Variants in CKS2 observed in about 807,000 individuals in gnomAD.
The protein encoded by CKS2 is cyclin-dependent kinases regulatory subunit 2.
CKS2 carries 4 observed loss-of-function variants against 14.3 expected under a neutral mutation model. The ratio of observed to expected loss-of-function variants is 0.28; its 90% confidence interval spans 0.14 to 0.64. The LOEUF (loss-of-function observed/expected upper bound fraction) is 0.64. Ranked by LOEUF, CKS2 falls within the 30% of genes least tolerant of loss-of-function variation. The pLI, the probability that CKS2 is intolerant of heterozygous loss-of-function variation, is 0.83. For synonymous variants in CKS2, 33 were observed against 28.7 expected (o/e 1.15, Z -0.48); for missense variants, 71 against 94.3 (o/e 0.75, Z 1.02).
intron 2 of CKS2, 150 bp from the exon 3 acceptor site, chr9:89,316,223 A>T (rs1163365465): frequency 4.9e-6 from 3 of 609,378 alleles, no homozygotes; most frequent in Non-Finnish European, 8.9e-6. Context: ...TGTAGACAGT[A>T]ACTGTGAAAA....
rs534106852 is a variant in CKS2, at chr9:89,315,731, A to G, written c.187+434A>G. On this transcript the variant is annotated intron_variant, in intron 2 of 2. Transcript: ENST00000314355. ...AATGAGGTAATAGCATATGAACTCAACTGTGCTTATGGGTACCTTATGCTA... is the reference window on the plus strand; with the variant it reads ...AATGAGGTAATAGCATATGAACTCAGCTGTGCTTATGGGTACCTTATGCTA... Among the ~76,000 whole-genome samples, 5 of 152,294 alleles carry G rather than the reference A, an allele frequency of 3.3e-5. No individual in the cohort carries two copies. In the South Asian group the frequency reaches 1.0e-3, roughly 32 times the overall value.
intron 2 of CKS2, among the ~76,000 whole-genome samples, chr9:89,316,070 G>A (rs146910125): frequency 6.6e-6 from 1 of 152,244 alleles, no homozygotes; most frequent in East Asian, 1.9e-4. Flanking sequence ...AAAAGCAACT[G>A]AAGAACTTAA....
At chr9:89,313,322 AG>A (rs376200984) in intron 1 of CKS2, among the ~76,000 whole-genome samples, 3 of 152,300 alleles carry the variant, frequency 2.0e-5, no homozygotes, top group Non-Finnish European at 2.9e-5. Flanking sequence ...CTTTTACGTG[AG>A]GGTCTTAATG....
chr9:89,315,849 A>AT (rs1289988822), intron 2 of CKS2, among the ~76,000 whole-genome samples: 1 of 152,196 alleles, frequency 6.6e-6, no homozygotes, highest in Admixed American at 6.5e-5. Context: ...TGTGGGTTAA[A>AT]TTTTATATTT....
In CKS2 at chr9:89,315,281, C is replaced by T. The variant is rs1423565101; in HGVS notation, c.171C>T (p.Tyr57=). 6.2e-7 allele frequency: 1 copy of T among 1,600,526 alleles called. No individual in the cohort carries two copies. Among genetic ancestry groups the T allele is most frequent in the Middle Eastern group, 1.7e-4 (1 of 6,012 alleles). The change falls in exon 2 of 3, where the codon TAC becomes TAT. Residue 57 remains tyrosine, a synonymous_variant. Coordinates refer to ENST00000314355, the MANE Select transcript of CKS2 (RefSeq NM_001827.3). The part of the protein sequence containing the change: ...GVQQSLGWVH[Y]MIHEPEPHIL... ...AACAGAGTCTAGGCTGGGTTCATTA[C>T]ATGATTCATGAGCCAGGTAAGCTAT...
At chr9:89,315,404 C>G (rs1824689935) in intron 2 of CKS2, 107 bp downstream of exon 2, 1 of 1,027,206 alleles carries the variant, frequency 9.7e-7, no homozygotes, top group Non-Finnish European at 1.3e-6. Context: ...CTGAAAGTAA[C>G]TGTTCTGATA....
chr9:89,313,712 A>G (rs928829245), intron 1 of CKS2, among the ~76,000 whole-genome samples: 2 of 152,274 alleles, frequency 1.3e-5, no homozygotes, highest in Admixed American at 1.3e-4. Flanking sequence ...CAAAAGCACT[A>G]CATTTCTCTT....
intron 2 of CKS2, among the ~76,000 whole-genome samples, chr9:89,316,150 G>A (rs1035472830): frequency 6.6e-6 from 1 of 152,068 alleles, no homozygotes; most frequent in African/African-American, 2.4e-5. Flanking sequence ...AGATCCTGTA[G>A]GTGATTTGAA....
In CKS2 at chr9:89,315,219, C is replaced by G; in HGVS notation, c.109C>G (p.Leu37Val). 2.5e-6 allele frequency: 4 copies of G among 1,611,938 alleles called. No homozygotes were observed. The highest frequency in any genetic ancestry group is 3.4e-6 in the Non-Finnish European group (4 of 1,178,928). The change falls in exon 2 of 3, where the codon CTG becomes GTG. Residue 37 changes from leucine to valine, a missense_variant. Coordinates refer to ENST00000314355, the MANE Select transcript of CKS2 (RefSeq NM_001827.3). ...TTCCAAACAAGTACCTAAAACTCATCTGATGTCTGAAGAGGAGTGGAGGAG... is the reference window on the plus strand; with the variant it reads ...TTCCAAACAAGTACCTAAAACTCATGTGATGTCTGAAGAGGAGTGGAGGAG... ...ELSKQVPKTH[L>V]MSEEEWRRLG...
At chr9:89,311,878 T>C (rs1221965944) in intron 1 of CKS2, among the ~76,000 whole-genome samples, 1 of 152,198 alleles carries the variant, frequency 6.6e-6, no homozygotes, top group Non-Finnish European at 1.5e-5. Flanking sequence ...GGTCAAATGG[T>C]CATTTTCATC....
intron 1 of CKS2, among the ~76,000 whole-genome samples, chr9:89,311,751 C>T (rs528320262): frequency 2.0e-5 from 3 of 152,226 alleles, no homozygotes; most frequent in African/African-American, 7.2e-5. Flanking sequence ...AGTTCCAGTT[C>T]TTTGAACCAG....
chr9:89,315,121 C>CA, intron 1 of CKS2, 49 bp from the exon 2 acceptor site: 1 of 1,536,294 alleles, frequency 6.5e-7, no homozygotes, highest in Non-Finnish European at 8.8e-7. Flanking sequence ...TATAAAGCGA[C>CA]AGTTGTAGAA....
At chr9:89,314,098 CAG>C (rs1476283567) in intron 1 of CKS2, among the ~76,000 whole-genome samples, 1 of 152,224 alleles carries the variant, frequency 6.6e-6, no homozygotes, top group African/African-American at 2.4e-5. Flanking sequence ...GACTCACAGA[CAG>C]ATATCTTATA....
Position 89,311,233 on chromosome 9 carries a change from T to G in CKS2, c.-60T>G. ...GAGTTGTTGCCTGGGCTGGACGTGG[T>G]TTTGTCTGCTGCGCCCGCTCTTCGC... On this transcript the variant is annotated 5_prime_UTR_variant, in exon 1 of 3. Transcript: ENST00000314355. 4.8e-6 allele frequency: 7 copies of G among 1,455,372 alleles called. No homozygotes were observed. The highest frequency in any genetic ancestry group is 4.7e-5 in the South Asian group (4 of 85,720). The allele number at this position is 1,455,372 out of a possible 1,614,324, so 90.2% of individuals were successfully genotyped here. A position where few individuals can be genotyped will look rare whatever the true frequency, so the allele number is the denominator to read the frequency against.
intron 1 of CKS2, among the ~76,000 whole-genome samples, chr9:89,312,818 A>G (rs1413127001): frequency 6.6e-6 from 1 of 152,220 alleles, no homozygotes; most frequent in Admixed American, 6.5e-5. Flanking sequence ...AAACCGTAAT[A>G]ATCTTACTAA....
At position 89,316,380 on chromosome 9, in the gene CKS2, T is replaced by C. The variant is rs1824712322; in HGVS notation, c.195T>C (p.His65=). Residue 65 remains histidine, a synonymous_variant, in exon 3 of 3, where the codon CAT becomes CAC. Coordinates refer to ENST00000314355, the MANE Select transcript of CKS2 (RefSeq NM_001827.3). ...VHYMIHEPEP[H]ILLFRRPLPK... is the part of the protein sequence containing the mutation. Reference sequence around the variant, plus strand: ...AACATTTTCTTTCCACAGAACCACATATTCTTCTCTTTAGACGACCTCTTC... The same window carrying C: ...AACATTTTCTTTCCACAGAACCACACATTCTTCTCTTTAGACGACCTCTTC... The C allele has an allele frequency of 6.3e-7, 1 of 1,585,830 alleles. No homozygotes were observed. Among genetic ancestry groups the C allele is most frequent in the Admixed American group, 1.7e-5 (1 of 59,144 alleles).
intron 1 of CKS2, 73 bp downstream of exon 1, chr9:89,311,424 G>C: frequency 1.6e-6 from 2 of 1,219,804 alleles, no homozygotes; most frequent in South Asian, 1.3e-5. Context: ...CCCAGGCATA[G>C]TAGGGTCGGG....
intron 1 of CKS2, chr9:89,312,359 C>T (rs1033899841): frequency 1.9e-5 from 3 of 154,606 alleles, no homozygotes; most frequent in Non-Finnish European, 4.4e-5. Flanking sequence ...AGAAAACAGT[C>T]AACCCCTTTT....
At position 89,311,361 on chromosome 9, in the gene CKS2, T is replaced by A. The variant is rs369874363; in HGVS notation, c.59+10T>A. ...AACACTACGAGTACCGGTGGGCGCC[T>A]TTCTTAGACCCCGAGCCGGCTCCCT... On this transcript the variant is annotated intron_variant, in intron 1 of 2. Transcript: ENST00000314355. 8.1e-6 allele frequency: 13 copies of A among 1,599,002 alleles called. No individual in the cohort carries two copies. The highest frequency in any genetic ancestry group is 1.0e-5 in the Non-Finnish European group (12 of 1,174,486).
Sources: allele counts gnomAD v4.1 joint callset (sites outside exome capture counted in the v4.1 genomes callset), GRCh38; gene constraint gnomAD v4.1.1; transcripts MANE v1.5; gene names NCBI Gene and HGNC (gene_info 2026-07-23, HGNC 2026-07-21).